Variants in YAP1 observed in about 807,000 individuals in gnomAD.
YAP1 encodes the protein Yes1 associated transcriptional regulator.
A neutral mutation model predicts 56.9 loss-of-function variants in YAP1; 5 were observed. The observed-to-expected ratio is 0.09, with a 90% confidence interval of 0.05 to 0.18. The LOEUF (loss-of-function observed/expected upper bound fraction) is 0.18. Among genes scored for constraint, YAP1 ranks in the 10% least tolerant of loss-of-function variants. The pLI is 1.00. For missense variants in YAP1, 539 were observed against 651.8 expected (o/e 0.83, Z 1.88); for synonymous variants, 265 against 248.1 (o/e 1.07, Z -0.64).
intron 6 of YAP1, among the ~76,000 whole-genome samples, chr11:102,214,834 A>G (rs941253759): frequency 6.6e-6 from 1 of 152,166 alleles, no homozygotes; most frequent in Non-Finnish European, 1.5e-5. Context: ...AGTAATACAG[A>G]TTACAAAAGG....
At chr11:102,226,462 A>C (rs1950201161) in intron 7 of YAP1, among the ~76,000 whole-genome samples, 1 of 152,228 alleles carries the variant, frequency 6.6e-6, no homozygotes, top group African/African-American at 2.4e-5. Context: ...ATAGCTGCTT[A>C]TTAAATGTAC....
chr11:102,188,337 T>G (rs1948094883), intron 4 of YAP1, among the ~76,000 whole-genome samples: 1 of 152,206 alleles, frequency 6.6e-6, no homozygotes, highest in Non-Finnish European at 1.5e-5. Flanking sequence ...TTTCAGTGTC[T>G]TAGAATGGGA....
At chr11:102,151,064 G>A (rs548841890) in intron 2 of YAP1, among the ~76,000 whole-genome samples, 2 of 152,076 alleles carry the variant, frequency 1.3e-5, no homozygotes, top group South Asian at 2.1e-4. Flanking sequence ...GCCTGACCCC[G>A]TGATTTGCCC....
At chr11:102,214,918 G>A (rs1412996626) in intron 6 of YAP1, among the ~76,000 whole-genome samples, 2 of 152,136 alleles carry the variant, frequency 1.3e-5, no homozygotes, top group Non-Finnish European at 2.9e-5. Context: ...CTGCCATCCT[G>A]TTTTGGATGT....
At chr11:102,204,513 T>G (rs1949026043) in intron 4 of YAP1, among the ~76,000 whole-genome samples, 1 of 152,162 alleles carries the variant, frequency 6.6e-6, no homozygotes, top group South Asian at 2.1e-4. Context: ...TATGGAAAAG[T>G]TCCCAGGCAA....
At chr11:102,126,700 A>T (rs1944056043) in intron 2 of YAP1, among the ~76,000 whole-genome samples, 1 of 152,228 alleles carries the variant, frequency 6.6e-6, no homozygotes, top group African/African-American at 2.4e-5. Flanking sequence ...GCTGAAAAAT[A>T]CCCAAAAATT....
At chr11:102,172,904 C>T (rs1050663023) in intron 3 of YAP1, among the ~76,000 whole-genome samples, 1 of 152,066 alleles carries the variant, frequency 6.6e-6, no homozygotes, top group African/African-American at 2.4e-5. Flanking sequence ...CACAACAGCC[C>T]GTTCAGAGGC....
In YAP1 at chr11:102,122,336, A is replaced by G. The variant is rs376289622; in HGVS notation, c.572+7942A>G. On this transcript the variant is annotated intron_variant, in intron 2 of 8. Coordinates refer to ENST00000282441, the MANE Select transcript of YAP1 (RefSeq NM_001130145.3). Reference sequence around the variant, plus strand: ...TCCTTTTGGGAGGCTGAGGCATGAGAATCGTTTGAGCTCAGGAGGCAGAGG... The same window carrying G: ...TCCTTTTGGGAGGCTGAGGCATGAGGATCGTTTGAGCTCAGGAGGCAGAGG... Among the ~76,000 whole-genome samples the G allele has an allele frequency of 5.2e-4, 79 of 152,102 alleles. 1 individual carries two copies. The South Asian group carries it at 0.016, about 32-fold the overall frequency.
chr11:102,185,912 G>C, intron 3 of YAP1, 106 bp from the exon 4 acceptor site: 2 of 1,133,904 alleles, frequency 1.8e-6, no homozygotes, highest in Non-Finnish European at 2.4e-6. Context: ...TCAATGAATT[G>C]TTTTATGTTA....
At chr11:102,169,470 AGTCT>A (rs1946784538) in intron 3 of YAP1, among the ~76,000 whole-genome samples, 1 of 152,220 alleles carries the variant, frequency 6.6e-6, no homozygotes, top group East Asian at 1.9e-4. Context: ...GGAAATTGTC[AGTCT>A]GAAGTCACAA....
rs111626988 is a variant in YAP1, at chr11:102,110,834, G to A, written c.-15G>A. 1.4e-6 allele frequency: 2 copies of A among 1,391,898 alleles called. No homozygotes were observed. Among genetic ancestry groups the A allele is most frequent in the Non-Finnish European group, 1.9e-6 (2 of 1,072,694 alleles). 86.2% of individuals were successfully genotyped at this position (1,391,898 alleles called of 1,614,324 possible). On this transcript the variant is annotated 5_prime_UTR_variant, in exon 1 of 9. Coordinates refer to ENST00000282441, the MANE Select transcript of YAP1 (RefSeq NM_001130145.3). ...CGCCTGGGTCAGGGGGTGCGCGTCG[G>A]GGGAGGCAGAAGCCATGGATCCCGG...
intron 4 of YAP1, among the ~76,000 whole-genome samples, chr11:102,189,749 G>C (rs756064301): frequency 6.6e-6 from 1 of 152,068 alleles, no homozygotes; most frequent in Non-Finnish European, 1.5e-5. Context: ...TTACTATAAT[G>C]TCTTGAAATA....
At chr11:102,114,746 T>A (rs1273070047) in intron 2 of YAP1, among the ~76,000 whole-genome samples, 2 of 152,220 alleles carry the variant, frequency 1.3e-5, no homozygotes, top group Non-Finnish European at 2.9e-5. Flanking sequence ...TTCTGGGAAT[T>A]ACAGGGCTAG....
rs1224754872 is a variant in YAP1 at position 102,227,521 on chromosome 11, A to T, written c.1216A>T (p.Ser406Cys). ...ESTDSGLSMS[S>C]YSVPRTPDDF... ...TACAGACAGTGGACTAAGCATGAGC[A>T]GCTACAGTGTCCCTCGAACCCCAGA... The change falls in exon 8 of 9, where the codon AGC becomes TGC. Residue 406 changes from serine to cysteine, a missense_variant. By Grantham distance (112) the Ser-to-Cys change is moderately radical. Around this residue, in one of 4 missense-constraint regions of YAP1, gnomAD observed 414 missense variants for 512.4 expected, o/e 0.81. Transcript: ENST00000282441. The T allele has an allele frequency of 6.2e-7, 1 of 1,613,970 alleles. No individual in the cohort carries two copies. The highest frequency in any genetic ancestry group is 8.5e-7 in the Non-Finnish European group (1 of 1,180,012).
intron 6 of YAP1, among the ~76,000 whole-genome samples, chr11:102,212,224 T>C (rs1949437113): frequency 6.6e-6 from 1 of 152,212 alleles, no homozygotes; most frequent in South Asian, 2.1e-4. Context: ...TCAGTGTCAT[T>C]TTCTAATCGT....
intron 1 of YAP1, among the ~76,000 whole-genome samples, chr11:102,111,611 G>C (rs1162423847): frequency 1.3e-5 from 2 of 152,138 alleles, no homozygotes; most frequent in South Asian, 4.1e-4. Context: ...GCTGGGAAAG[G>C]GGGAGGGGGG....
intron 2 of YAP1, among the ~76,000 whole-genome samples, chr11:102,115,805 G>A (rs139303961): frequency 3.0e-4 from 46 of 152,244 alleles, no homozygotes; most frequent in African/African-American, 9.1e-4. Flanking sequence ...TGTCTTGAAG[G>A]GGAAGGGAGT....
chr11:102,158,650 C>G (rs1946094661), intron 2 of YAP1, among the ~76,000 whole-genome samples: 1 of 152,138 alleles, frequency 6.6e-6, no homozygotes, highest in South Asian at 2.1e-4. Context: ...GTACCAGTAT[C>G]AATGTTAATC....
chr11:102,158,974 TTATA>T (rs1166971144), intron 2 of YAP1, among the ~76,000 whole-genome samples: 10 of 152,244 alleles, frequency 6.6e-5, no homozygotes, highest in Admixed American at 6.5e-4. Flanking sequence ...TTGCTTTGGT[TTATA>T]TTGACAGAAC....
Sources: gnomAD v4.1 joint callset for allele counts (sites outside exome capture counted in the v4.1 genomes callset) on GRCh38, gnomAD v4.1.1 for gene constraint, gnomAD v4.1.1 regional missense constraint, MANE v1.5 for transcripts, NCBI Gene and HGNC (gene_info 2026-07-23, HGNC 2026-07-21) for gene names.